TSPAN9: variants seen among roughly 807,000 people sequenced by gnomAD.
The protein encoded by TSPAN9 is tetraspanin 9, also known as tetraspanin-9.
A neutral mutation model predicts 31.0 loss-of-function variants in TSPAN9; 16 were observed. That is an observed-to-expected ratio of 0.52 (90% CI 0.35 to 0.78). The LOEUF (loss-of-function observed/expected upper bound fraction) is 0.78, where lower values mean the gene tolerates loss of function less well. Ranked by LOEUF, TSPAN9 falls within the 30% of genes least tolerant of loss-of-function variation. The probability of loss-of-function intolerance (pLI) is 0.01; values close to 1 mark genes in which losing one functional copy is unlikely to be tolerated. For synonymous variants in TSPAN9, 145 were observed against 121.6 expected (o/e 1.19, Z -1.27); for missense variants, 272 against 312.5 (o/e 0.87, Z 0.98).
At chr12:3,165,499 G>A (rs572155634) in intron 2 of TSPAN9, among the ~76,000 whole-genome samples, 5 of 152,238 alleles carry the variant, frequency 3.3e-5, no homozygotes, top group African/African-American at 9.6e-5. Flanking sequence ...CTTATTTCAC[G>A]GGGGAGTCCA....
chr12:3,221,746 C>T (rs182840665), intron 3 of TSPAN9, among the ~76,000 whole-genome samples: 38 of 152,240 alleles, frequency 2.5e-4, no homozygotes, highest in Non-Finnish European at 4.4e-4. Flanking sequence ...ACCTTGAACT[C>T]CTGGGCTCAA....
At chr12:3,142,805 A>G (rs145208728) in intron 2 of TSPAN9, among the ~76,000 whole-genome samples, 1 of 152,316 alleles carries the variant, frequency 6.6e-6, no homozygotes, top group East Asian at 1.9e-4. Flanking sequence ...TGTCAAAACC[A>G]AGAAGTTAAC....
At chr12:3,167,217 TTGA>T (rs2098348970) in intron 2 of TSPAN9, among the ~76,000 whole-genome samples, 1 of 152,232 alleles carries the variant, frequency 6.6e-6, no homozygotes, top group South Asian at 2.1e-4. Context: ...CTGTAGTTCA[TTGA>T]TGATCTCTCA....
At chr12:3,281,936 G>A (rs769384449) in intron 8 of TSPAN9, 119 bp downstream of exon 8, 1 of 1,118,592 alleles carries the variant, frequency 8.9e-7, no homozygotes. Flanking sequence ...ATTCATCACA[G>A]CTATTCAAGC....
chr12:3,245,264 G>T (rs979834219), intron 3 of TSPAN9, among the ~76,000 whole-genome samples: 3 of 152,178 alleles, frequency 2.0e-5, no homozygotes, highest in Non-Finnish European at 4.4e-5. Flanking sequence ...GCCCTGGAAG[G>T]TGCCAAGCCC....
At chr12:3,169,183 G>C (rs2098350339) in intron 2 of TSPAN9, among the ~76,000 whole-genome samples, 1 of 152,192 alleles carries the variant, frequency 6.6e-6, no homozygotes, top group Admixed American at 6.5e-5. Context: ...CACCTTCAAT[G>C]CTCTGTCTTC....
chr12:3,141,164 G>A (rs2098334656), intron 2 of TSPAN9, among the ~76,000 whole-genome samples: 1 of 152,042 alleles, frequency 6.6e-6, no homozygotes, highest in Admixed American at 6.5e-5. Context: ...CACAGTCTCT[G>A]TCGGCTCTCA....
At chr12:3,207,540 G>T (rs979819394) in intron 3 of TSPAN9, among the ~76,000 whole-genome samples, 1 of 152,114 alleles carries the variant, frequency 6.6e-6, no homozygotes, top group African/African-American at 2.4e-5. Context: ...CTTCTAACTC[G>T]ACTCTTTAAC....
chr12:3,087,746 C>T (rs1204608733), intron 2 of TSPAN9, among the ~76,000 whole-genome samples: 1 of 151,646 alleles, frequency 6.6e-6, no homozygotes, highest in African/African-American at 2.4e-5. Flanking sequence ...GCGGAGGTTG[C>T]AGTGAGCCAA....
intron 3 of TSPAN9, among the ~76,000 whole-genome samples, chr12:3,257,448 A>G (rs932284227): frequency 1.3e-5 from 2 of 151,780 alleles, no homozygotes; most frequent in African/African-American, 2.4e-5. Context: ...TCTGGTTCCC[A>G]TGGAGTGTCC....
intron 1 of TSPAN9, among the ~76,000 whole-genome samples, chr12:3,078,730 C>G (rs917074052): frequency 1.2e-4 from 18 of 151,534 alleles, no homozygotes; most frequent in East Asian, 5.8e-4. Flanking sequence ...CAGTTCTACT[C>G]TCACTCACTG....
chr12:3,219,401 G>A (rs914736254), intron 3 of TSPAN9, among the ~76,000 whole-genome samples: 8 of 152,118 alleles, frequency 5.3e-5, no homozygotes, highest in Non-Finnish European at 7.4e-5. Flanking sequence ...CACCTCCTGC[G>A]GGAGCTGTGT....
intron 2 of TSPAN9, among the ~76,000 whole-genome samples, chr12:3,112,455 C>T (rs2098319463): frequency 6.6e-6 from 1 of 152,010 alleles, no homozygotes; most frequent in Non-Finnish European, 1.5e-5. Context: ...GGATTACAGG[C>T]ATAAGCCACC....
intron 2 of TSPAN9, among the ~76,000 whole-genome samples, chr12:3,106,614 T>TA (rs1315544058): frequency 6.6e-6 from 1 of 151,570 alleles, no homozygotes; most frequent in Admixed American, 6.6e-5. Context: ...CTGCAAAAAA[T>TA]AAAAAAATTG....
Position 3,278,386 on chromosome 12 carries a change from C to T in TSPAN9, c.64-35C>T, listed in dbSNP as rs748585882. ...CCAGGTCCATGGACGAATGTGAGAG[C>T]AGCGCCAGGCTAATGGGCTTTCCTT... On this transcript the variant is annotated intron_variant, in intron 3 of 8. Coordinates refer to ENST00000011898, the MANE Select transcript of TSPAN9 (RefSeq NM_006675.5). 8 of 1,608,878 alleles carry T rather than the reference C, an allele frequency of 5.0e-6. No individual in the cohort carries two copies. The South Asian group carries it at 8.9e-5, about 18-fold the overall frequency.
chr12:3,226,287 TGG>T (rs2098387103), intron 3 of TSPAN9, among the ~76,000 whole-genome samples: 1 of 152,134 alleles, frequency 6.6e-6, no homozygotes, highest in African/African-American at 2.4e-5. Flanking sequence ...CTGCCATTCT[TGG>T]TCTTTGTGCT....
intron 2 of TSPAN9, among the ~76,000 whole-genome samples, chr12:3,108,176 G>A (rs1477956356): frequency 6.6e-6 from 1 of 152,250 alleles, no homozygotes; most frequent in Non-Finnish European, 1.5e-5. Flanking sequence ...CGTAGACAGT[G>A]AGTCATCGGA....
At chr12:3,091,626 C>T (rs1248250422) in intron 2 of TSPAN9, among the ~76,000 whole-genome samples, 1 of 152,212 alleles carries the variant, frequency 6.6e-6, no homozygotes, top group Non-Finnish European at 1.5e-5. Context: ...GTTCTTTTGC[C>T]TGTCAACTGC....
At chr12:3,209,214 G>A (rs566095560) in intron 3 of TSPAN9, among the ~76,000 whole-genome samples, 56 of 145,028 alleles carry the variant, frequency 3.9e-4, no homozygotes, top group Middle Eastern at 3.5e-3. Flanking sequence ...CAGCCTGGGC[G>A]ACAGAGTGAG....
Sources: allele counts gnomAD v4.1 joint callset (sites outside exome capture counted in the v4.1 genomes callset), GRCh38; gene constraint gnomAD v4.1.1; transcripts MANE v1.5; gene names NCBI Gene and HGNC (gene_info 2026-07-23, HGNC 2026-07-21).